Variants in GRM4 observed in about 807,000 individuals in gnomAD.
GRM4 encodes the protein metabotropic glutamate receptor 4.
In GRM4, 28 loss-of-function variants were observed where a neutral mutation model predicts 81.7. That is an observed-to-expected ratio of 0.34 (90% CI 0.25 to 0.47). GRM4 has a LOEUF of 0.47. Among genes scored for constraint, GRM4 ranks in the 20% least tolerant of loss-of-function variants. GRM4 has a pLI of 1.00. For missense variants in GRM4, 948 were observed against 1,290.0 expected, an observed-to-expected ratio of 0.73 and a Z score of 4.06; for synonymous variants, 488 against 528.8, an observed-to-expected ratio of 0.92 and a Z score of 1.06.
chr6:34,151,294 A>G (rs1771039681), intron 1 of GRM4, among the ~76,000 whole-genome samples: 2 of 152,146 alleles, frequency 1.3e-5, no homozygotes, highest in East Asian at 1.9e-4. Context: ...ACCCACCTAG[A>G]AAGACTCTTT....
intron 6 of GRM4, among the ~76,000 whole-genome samples, chr6:34,053,417 C>T (rs1030511703): frequency 2.0e-5 from 3 of 152,200 alleles, no homozygotes; most frequent in Non-Finnish European, 4.4e-5. Flanking sequence ...CACAAACATT[C>T]CCAGCAGCCC....
chr6:34,134,422 C>T (rs1770371649), intron 1 of GRM4, among the ~76,000 whole-genome samples: 1 of 152,100 alleles, frequency 6.6e-6, no homozygotes, highest in African/African-American at 2.4e-5. Flanking sequence ...CAAATAAGGC[C>T]CCCTCAAGAA....
rs115385812 is a variant in GRM4, at chr6:34,042,060, C to T, written c.1169-1312G>A. On this transcript the variant is annotated intron_variant, in intron 6 of 10. Coordinates refer to ENST00000538487, the MANE Select transcript of GRM4 (RefSeq NM_000841.4). This position sits in a 1 kb window ranked among gnomAD's most constrained non-coding sequence, Gnocchi z 4.2. ...TGAGGTCAGGAGTTCAAGACCAGCCCAGCCAACACGCTGAAACCCCATCTC... is the reference window on the plus strand; with the variant it reads ...TGAGGTCAGGAGTTCAAGACCAGCCTAGCCAACACGCTGAAACCCCATCTC... Among the ~76,000 whole-genome samples the T allele has an allele frequency of 0.01, 1,536 of 152,186 alleles. 14 individuals are homozygous for T. Among genetic ancestry groups the T allele is most frequent in the Non-Finnish European group, 0.015 (1,047 of 67,980 alleles).
rs541607655 is a variant in GRM4, at chr6:34,068,447, C to A, written c.737-6419G>T. Among the ~76,000 whole-genome samples the A allele has an allele frequency of 6.6e-5, 10 of 152,198 alleles. No homozygotes were observed. The highest frequency in any genetic ancestry group is 1.2e-4 in the Non-Finnish European group (8 of 67,994). ...AGCTTAGGTTTACAGGAGGTCTGAC[C>A]GTGGCAGGACCCTCTGAGCCCCCAC... On this transcript the variant is annotated intron_variant, in intron 3 of 10. Transcript: ENST00000538487. The surrounding 1 kb of genome is among the most constrained non-coding windows in gnomAD (Gnocchi z 4.2).
At chr6:34,132,001 C>T (rs1770257500) in intron 2 of GRM4, among the ~76,000 whole-genome samples, 1 of 151,930 alleles carries the variant, frequency 6.6e-6, no homozygotes, top group Non-Finnish European at 1.5e-5. Flanking sequence ...ACAGAGCAAA[C>T]AAGACAGGCT....
intron 3 of GRM4, among the ~76,000 whole-genome samples, chr6:34,065,994 C>T (rs1462749888): frequency 3.9e-5 from 6 of 152,174 alleles, no homozygotes; most frequent in Non-Finnish European, 2.9e-5. Context: ...CCAGGTTCCA[C>T]ACCTCCCCTC....
Position 34,155,113 on chromosome 6 carries a change from C to CG in GRM4, c.277dup (p.Arg93ProfsTer27). The CG allele has an allele frequency of 6.5e-7, 1 of 1,528,554 alleles. No homozygotes were observed. Among genetic ancestry groups the CG allele is most frequent in the South Asian group, 1.2e-5 (1 of 83,598 alleles). The allele number at this position is 1,528,554 out of a possible 1,614,324, so 94.7% of individuals were successfully genotyped here. ...TTCCGGAAGGAGGCAGCGGGGGCGG[C>CG]GGGGGTCTATTTCAGGGCTGCTTCC... On this transcript the variant is annotated frameshift_variant, in exon 1 of 9. Transcript: ENST00000374177. LOFTEE classifies it high-confidence loss of function.
chr6:34,087,770 ATGACCAGAACTTCCCAGACATG>A, intron 3 of GRM4, among the ~76,000 whole-genome samples: 1 of 128,176 alleles, frequency 7.8e-6, no homozygotes, highest in African/African-American at 3.0e-5. Flanking sequence ...TACCAGTCAC[ATGACCAGAACTTCCCAGACATG>A]CACCCCTACA....
chr6:34,092,448 G>A lies in GRM4; in HGVS notation c.520-349C>T, dbSNP rs934464048. 6.6e-6 allele frequency among the ~76,000 whole-genome samples: 1 copy of A among 152,200 alleles called. No individual in the cohort carries two copies. Among genetic ancestry groups the A allele is most frequent in the Non-Finnish European group, 1.5e-5 (1 of 68,024 alleles). On this transcript the variant is annotated intron_variant, in intron 2 of 10. Transcript: ENST00000538487. The surrounding 1 kb of genome is among the most constrained non-coding windows in gnomAD (Gnocchi z 6.8). ...ACGTGAGATGATTCAGCCTGGGGATGGGGTGGGATTTGGGTGTTGGGAGGG... is the reference window on the plus strand; with the variant it reads ...ACGTGAGATGATTCAGCCTGGGGATAGGGTGGGATTTGGGTGTTGGGAGGG...
intron 9 of GRM4, among the ~76,000 whole-genome samples, chr6:34,030,074 G>A (rs1239549391): frequency 6.6e-6 from 1 of 152,214 alleles, no homozygotes; most frequent in Non-Finnish European, 1.5e-5. Context: ...ACCAGCCAGC[G>A]GGGCCGTGCT....
At chr6:34,138,332 C>T (rs1770547997) in intron 1 of GRM4, among the ~76,000 whole-genome samples, 2 of 152,220 alleles carry the variant, frequency 1.3e-5, no homozygotes, top group South Asian at 2.1e-4. Context: ...CCTGTGTTCC[C>T]ACCAGCACTT....
At chr6:34,041,534 C>T (rs561933736) in intron 6 of GRM4, among the ~76,000 whole-genome samples, 10 of 152,324 alleles carry the variant, frequency 6.6e-5, no homozygotes, top group Admixed American at 4.6e-4. Context: ...GTCCACTGAC[C>T]TCTGCTCTGG....
At chr6:34,144,105 G>T (rs763401509) in intron 1 of GRM4, among the ~76,000 whole-genome samples, 12 of 152,240 alleles carry the variant, frequency 7.9e-5, no homozygotes, top group Admixed American at 6.5e-4. Flanking sequence ...GACAGGGACT[G>T]AAAGTCTGAG....
At position 34,130,114 on chromosome 6, in the gene GRM4, C is replaced by G. The variant is rs115746428; in HGVS notation, c.519+2864G>C. Among the ~76,000 whole-genome samples, 2,486 of 152,290 alleles carry G rather than the reference C, an allele frequency of 0.016. 60 individuals are homozygous for G. Among genetic ancestry groups the G allele is most frequent in the East Asian group, 0.11 (586 of 5,172 alleles). On this transcript the variant is annotated intron_variant, in intron 2 of 10. Coordinates refer to ENST00000538487, the MANE Select transcript of GRM4 (RefSeq NM_000841.4). The surrounding 1 kb of genome is among the most constrained non-coding windows in gnomAD (Gnocchi z 4.1). ...CTCTCCTTCCCGAGGCTCCTGCTCC[C>G]GACCTCCCTCCCCAAAGTTCAATCT...
At chr6:34,119,668 C>A (rs1280040288) in intron 2 of GRM4, among the ~76,000 whole-genome samples, 2 of 152,202 alleles carry the variant, frequency 1.3e-5, no homozygotes, top group Non-Finnish European at 2.9e-5. Flanking sequence ...GAGACTTCCA[C>A]CGCAGTTCTG....
rs1765474045 is a variant in GRM4 at position 34,048,804 on chromosome 6, C to T, written c.1168+7740G>A. Among the ~76,000 whole-genome samples, 1 of 152,088 alleles carries T rather than the reference C, an allele frequency of 6.6e-6. No individual in the cohort carries two copies. Among genetic ancestry groups the T allele is most frequent in the African/African-American group, 2.4e-5 (1 of 41,396 alleles). On this transcript the variant is annotated intron_variant, in intron 6 of 10. Coordinates refer to ENST00000538487, the MANE Select transcript of GRM4 (RefSeq NM_000841.4). The surrounding 1 kb of genome is among the most constrained non-coding windows in gnomAD (Gnocchi z 4.0). ...CTCTCGCCTTCTCTCTCCTGTTCCA[C>T]CATGGTAAGCCGTGCTTGCTTCCTC...
Position 34,153,271 on chromosome 6 carries a change from G to A in GRM4, c.312+1808C>T, listed in dbSNP as rs563565877. Among the ~76,000 whole-genome samples the A allele has an allele frequency of 5.3e-5, 8 of 152,270 alleles. No individual in the cohort carries two copies. In the South Asian group the frequency reaches 1.5e-3, roughly 28 times the overall value. On this transcript the variant is annotated intron_variant, in intron 1 of 8. Transcript: ENST00000374177. The stretch of plus-strand genomic sequence containing the variant: ...ACCCCTTCAGGGTACAGACACGCAC[G>A]CAGGGCCCAGAGAGGCCAGGGCTGC...
chr6:34,137,196 TC>T (rs1454308356), intron 1 of GRM4, among the ~76,000 whole-genome samples: 3 of 152,164 alleles, frequency 2.0e-5, no homozygotes, highest in Non-Finnish European at 4.4e-5. Flanking sequence ...ACGGGCCTCT[TC>T]CCCCTTTCCT....
chr6:34,148,737 G>A (rs1287336185), upstream of GRM4, among the ~76,000 whole-genome samples: 1 of 152,214 alleles, frequency 6.6e-6, no homozygotes, highest in Non-Finnish European at 1.5e-5. Flanking sequence ...GAGCCCCCCA[G>A]CCTCTCTGAG....
Sources: allele counts gnomAD v4.1 joint callset (sites outside exome capture counted in the v4.1 genomes callset), GRCh38; gene constraint gnomAD v4.1.1; non-coding constraint Gnocchi (gnomAD v3.1); transcripts MANE v1.5; gene names NCBI Gene and HGNC (gene_info 2026-07-23, HGNC 2026-07-21).